The following MAPT variants were observed in gnomAD, a reference collection of about 807,000 sequenced individuals.
MAPT encodes microtubule-associated protein tau.
MAPT carries 34 observed loss-of-function variants against 67.9 expected under a neutral mutation model. The ratio of observed to expected loss-of-function variants is 0.50; its 90% CI spans 0.38 to 0.67. The LOEUF is 0.67. MAPT is among the 30% of genes least tolerant of loss of function. MAPT has a pLI of 0.00. For missense variants in MAPT, 881 were observed against 1,115.2 expected (o/e 0.79, Z 2.99); for synonymous variants, 456 against 464.5 (o/e 0.98, Z 0.23).
chr17:45,989,891 C>T lies in MAPT; in HGVS notation c.1421C>T (p.Ser474Phe). ...TTTATGTTTAAGACATCCACACGTTCCTCTGCTAAAACCTTGAAAAATAGG... is the reference window on the plus strand; with the variant it reads ...TTTATGTTTAAGACATCCACACGTTTCTCTGCTAAAACCTTGAAAAATAGG... ...DDKKAKTSTRSSAKTLKNRPC... is the reference protein window; with the variant it reads ...DDKKAKTSTRFSAKTLKNRPC... Residue 474 changes from serine to phenylalanine, a missense_variant, in exon 7 of 13, where the codon TCC becomes TTC. By Grantham distance (155) the Ser-to-Phe change is radical. This residue lies in a region of MAPT where 687 missense variants were observed against 766.1 expected (regional missense o/e 0.90). Coordinates refer to ENST00000262410, the MANE Select transcript of MAPT (RefSeq NM_001377265.1). 6.2e-7 allele frequency: 1 copy of T among 1,614,074 alleles called. No homozygotes were observed. The highest frequency in any genetic ancestry group is 1.3e-5 in the African/African-American group (1 of 75,026).
At chr17:45,900,853 A>AAG (rs2063566948) in intron 1 of MAPT, among the ~76,000 whole-genome samples, 1 of 152,088 alleles carries the variant, frequency 6.6e-6, no homozygotes, top group Non-Finnish European at 1.5e-5. Context: ...TACCTGTCTC[A>AAG]CGGGTTGCCA....
At chr17:45,963,015 A>G (rs187701201) in intron 2 of MAPT, among the ~76,000 whole-genome samples, 2 of 152,316 alleles carry the variant, frequency 1.3e-5, no homozygotes, top group East Asian at 1.9e-4. Context: ...GGCCTTAACA[A>G]TCTCTCAAAT....
chr17:45,917,445 G>A lies in MAPT; in HGVS notation c.-18+22759G>A, dbSNP rs576266639. Among the ~76,000 whole-genome samples, 3 of 152,306 alleles carry A rather than the reference G, an allele frequency of 2.0e-5. No homozygotes were observed. The East Asian group carries it at 5.8e-4, about 29-fold the overall frequency. On this transcript the variant is annotated intron_variant, in intron 1 of 12. Coordinates refer to ENST00000262410, the MANE Select transcript of MAPT (RefSeq NM_001377265.1). ...GAGTCCAGGTAAATTTCCTTCCACT[G>A]AAGCAGCCAGGCTGAATTCGAATTA...
At chr17:45,920,643 A>T (rs1324860350) in intron 1 of MAPT, among the ~76,000 whole-genome samples, 1 of 151,932 alleles carries the variant, frequency 6.6e-6, no homozygotes, top group African/African-American at 2.4e-5. Flanking sequence ...AGACTGGAGC[A>T]CTCTGACAAG....
intron 1 of MAPT, among the ~76,000 whole-genome samples, chr17:45,927,957 G>T (rs71375326): frequency 7.1e-6 from 1 of 141,650 alleles, no homozygotes; most frequent in Non-Finnish European, 1.5e-5. Context: ...CCGAGATGGC[G>T]CCACTGCACT....
intron 7 of MAPT, chr17:45,990,486 C>T (rs753327068): frequency 4.0e-5 from 18 of 452,566 alleles, no homozygotes; most frequent in Admixed American, 1.7e-4. Context: ...TGGTGGTATG[C>T]GTGGTGGTAA....
At chr17:45,941,698 CCTGCCTGCCTTCCTTCCT>C (rs1568207907) in intron 1 of MAPT, among the ~76,000 whole-genome samples, 99 of 57,800 alleles carry the variant, frequency 1.7e-3, no homozygotes, top group African/African-American at 4.0e-3. Context: ...TTCCTTCCTT[CCTGCCTGCCTTCCTTCCT>C]TCCTTCCTTC....
chr17:45,992,764 G>A (rs569554993), intron 8 of MAPT, among the ~76,000 whole-genome samples: 4 of 152,128 alleles, frequency 2.6e-5, no homozygotes, highest in Admixed American at 2.0e-4. Flanking sequence ...GGTGGCGGGC[G>A]CCTGTAATCC....
chr17:45,908,326 T>A (rs1597871330), intron 1 of MAPT: 2 of 152,212 alleles, frequency 1.3e-5, no homozygotes, highest in African/African-American at 2.4e-5. Context: ...AAGATGTGGA[T>A]GAGAGGAGCC....
chr17:45,960,516 G>A (rs1273375669), intron 1 of MAPT, among the ~76,000 whole-genome samples: 1 of 152,234 alleles, frequency 6.6e-6, no homozygotes, highest in African/African-American at 2.4e-5. Flanking sequence ...TCAAAGTCTG[G>A]TATGGCAGGA....
chr17:45,982,643 A>G (rs1395356187), intron 4 of MAPT, among the ~76,000 whole-genome samples: 1 of 152,056 alleles, frequency 6.6e-6, no homozygotes, highest in African/African-American at 2.4e-5. Flanking sequence ...ACTGAGGCCC[A>G]GAGAGGGGAG....
At chr17:45,949,472 G>A (rs1185145609) in intron 1 of MAPT, among the ~76,000 whole-genome samples, 1 of 152,236 alleles carries the variant, frequency 6.6e-6, no homozygotes, top group East Asian at 1.9e-4. Flanking sequence ...GAAGGCACCC[G>A]TTTGATACAG....
At chr17:46,007,296 G>A (rs1298987336) in intron 9 of MAPT, among the ~76,000 whole-genome samples, 1 of 152,148 alleles carries the variant, frequency 6.6e-6, no homozygotes, top group Non-Finnish European at 1.5e-5. Flanking sequence ...ACCGGCCTGG[G>A]TGACATAGCG....
intron 12 of MAPT, among the ~76,000 whole-genome samples, chr17:46,022,516 C>T (rs1012291230): frequency 2.6e-5 from 4 of 152,132 alleles, no homozygotes; most frequent in Admixed American, 6.5e-5. Flanking sequence ...CCCTTCACCC[C>T]GCATCCATGG....
intron 1 of MAPT, among the ~76,000 whole-genome samples, chr17:45,950,373 G>A (rs568806242): frequency 2.4e-4 from 37 of 152,316 alleles, no homozygotes; most frequent in African/African-American, 8.7e-4. Context: ...CACAGAAGAT[G>A]TGAACTCTGC....
intron 7 of MAPT, among the ~76,000 whole-genome samples, chr17:45,990,706 C>T (rs1568293416): frequency 6.6e-6 from 1 of 152,198 alleles, no homozygotes; most frequent in African/African-American, 2.4e-5. Context: ...CTGGGTAGGA[C>T]AGCATCACGC....
chr17:45,993,791 C>A (rs1054211105), intron 8 of MAPT: 38 of 826,108 alleles, frequency 4.6e-5, no homozygotes, highest in Non-Finnish European at 6.7e-5. Context: ...GACCCTCCCC[C>A]TTGGGCCCCT....
intron 9 of MAPT, among the ~76,000 whole-genome samples, chr17:46,002,462 G>T (rs1033364785): frequency 1.3e-5 from 2 of 152,160 alleles, no homozygotes; most frequent in Non-Finnish European, 2.9e-5. Context: ...GACTGCCAGC[G>T]GGGAGAAGGG....
chr17:45,923,300 G>A (rs1274264273), intron 1 of MAPT, among the ~76,000 whole-genome samples: 1 of 152,182 alleles, frequency 6.6e-6, no homozygotes, highest in African/African-American at 2.4e-5. Flanking sequence ...CAGAGAACTA[G>A]ACCCATTTCC....
Sources: allele counts gnomAD v4.1 joint callset (sites outside exome capture counted in the v4.1 genomes callset), GRCh38; gene constraint gnomAD v4.1.1; regional missense constraint gnomAD v4.1.1; transcripts MANE v1.5; gene names NCBI Gene and HGNC (gene_info 2026-07-23, HGNC 2026-07-21).